TMEM45A: variants seen among roughly 807,000 people sequenced by gnomAD.
TMEM45A encodes the protein DNA polymerase-transactivated protein 4.
TMEM45A carries 25 observed loss-of-function variants against 32.0 expected under a neutral mutation model. The ratio of observed to expected loss-of-function variants is 0.78; its 90% CI spans 0.57 to 1.09. TMEM45A has a LOEUF of 1.09. Among genes scored for constraint, TMEM45A ranks in the 50% least tolerant of loss-of-function variants. TMEM45A has a pLI of 0.00. For missense variants in TMEM45A, 302 were observed against 325.0 expected (o/e 0.93, Z 0.54); for synonymous variants, 122 against 114.8 (o/e 1.06, Z -0.40).
At chr3:100,567,518 C>CAAAAAAAAAA (rs780009246) in intron 4 of TMEM45A, among the ~76,000 whole-genome samples, 10 of 63,498 alleles carry the variant, frequency 1.6e-4, no homozygotes, top group Non-Finnish European at 2.4e-4. Context: ...ACCATTTCTG[C>CAAAAAAAAAA]AAAAAAAAAA....
chr3:100,559,991 A>T (rs1013944349), intron 4 of TMEM45A, among the ~76,000 whole-genome samples: 4 of 152,204 alleles, frequency 2.6e-5, no homozygotes, highest in Non-Finnish European at 5.9e-5. Context: ...GGCCCAGAGC[A>T]GACGGTGATG....
At chr3:100,519,682 C>G in intron 1 of TMEM45A, 2 of 1,451,746 alleles carry the variant, frequency 1.4e-6, no homozygotes, top group South Asian at 1.2e-5. Flanking sequence ...TTCATAAAGA[C>G]CTAGTTTGAA....
chr3:100,551,203 C>G (rs972255424), intron 1 of TMEM45A, among the ~76,000 whole-genome samples: 1 of 151,884 alleles, frequency 6.6e-6, no homozygotes, highest in Non-Finnish European at 1.5e-5. Flanking sequence ...TTAGTGGAGA[C>G]GGGGTTTCGC....
In TMEM45A at chr3:100,556,804, TTA is replaced by T; in HGVS notation, c.239_240del (p.Tyr80Ter). Reference protein sequence around the residue: ...QFIPGGPHLMLYDYKQGHWNQ... With the variant: ...QFIPGGPHLMXYDYKQGHWNQ... ...TATTCCTGGAGGGCCCCATCTGATG[TTA>T]TATGACTATAAACAAGGTCACTGGA... On this transcript the variant is annotated frameshift_variant, in exon 3 of 6. Transcript: ENST00000323523. LOFTEE classifies it high-confidence loss of function. The T allele has an allele frequency of 6.2e-7, 1 of 1,614,100 alleles. No homozygotes were observed. Among genetic ancestry groups the T allele is most frequent in the Non-Finnish European group, 8.5e-7 (1 of 1,180,004 alleles).
intron 1 of TMEM45A, among the ~76,000 whole-genome samples, chr3:100,537,211 C>T (rs1705758083): frequency 6.6e-6 from 1 of 152,136 alleles, no homozygotes. Context: ...GCATGAGCCA[C>T]CATGCCTGGC....
At chr3:100,547,310 T>C (rs1243856493) in intron 1 of TMEM45A, among the ~76,000 whole-genome samples, 1 of 151,778 alleles carries the variant, frequency 6.6e-6, no homozygotes, top group Non-Finnish European at 1.5e-5. Flanking sequence ...TTAGTAGAGA[T>C]GGGGTTTCAA....
At chr3:100,542,020 T>C (rs1052096054) in intron 1 of TMEM45A, among the ~76,000 whole-genome samples, 5 of 152,216 alleles carry the variant, frequency 3.3e-5, no homozygotes, top group African/African-American at 1.2e-4. Context: ...TGTCTGTTTT[T>C]ATACTAGCAT....
chr3:100,533,446 A>G (rs997539685), intron 1 of TMEM45A, among the ~76,000 whole-genome samples: 4 of 152,108 alleles, frequency 2.6e-5, no homozygotes, highest in African/African-American at 9.7e-5. Context: ...TGCACAGCAC[A>G]GCACACCACA....
At chr3:100,510,932 A>G (rs1708150140) in intron 1 of TMEM45A, among the ~76,000 whole-genome samples, 1 of 152,316 alleles carries the variant, frequency 6.6e-6, no homozygotes, top group East Asian at 1.9e-4. Flanking sequence ...AAAAAAGAAT[A>G]AAAAGAAACG....
At position 100,519,386 on chromosome 3, in the gene TMEM45A, C is replaced by G. The variant is rs566801664; in HGVS notation, c.-4+26458C>G. ...CATACAGGTTGTGTGTGTGTGTGTG[C>G]ATGTGTGTGTGTGTGTGTGTGTGTA... On this transcript the variant is annotated intron_variant, in intron 1 of 5. Coordinates refer to ENST00000323523, the MANE Select transcript of TMEM45A (RefSeq NM_018004.3). The G allele has an allele frequency of 1.8e-5, 9 of 502,168 alleles. No homozygotes were observed. In the African/African-American group the frequency reaches 2.5e-4, roughly 14 times the overall value. 31.1% of individuals were successfully genotyped at this position (502,168 alleles called of 1,614,324 possible). A position where few individuals can be genotyped will look rare whatever the true frequency, so the allele number is the denominator to read the frequency against.
rs1706698658 is a variant in TMEM45A, at chr3:100,576,847, G to T, written c.735-78G>T. On this transcript the variant is annotated intron_variant, in intron 5 of 5. Coordinates refer to ENST00000323523, the MANE Select transcript of TMEM45A (RefSeq NM_018004.3). ...CAGTTGCCCAAATAATCTAGACTTT[G>T]TGGTATAATGGGTGCATATTGCTCT... is the stretch of plus-strand genomic sequence containing the variant. The T allele has an allele frequency of 3.8e-6, 4 of 1,058,440 alleles. No homozygotes were observed. In the Admixed American group the frequency reaches 8.4e-5, roughly 22 times the overall value. 65.6% of individuals were successfully genotyped at this position (1,058,440 alleles called of 1,614,324 possible).
intron 1 of TMEM45A, among the ~76,000 whole-genome samples, chr3:100,543,215 T>C (rs1410089005): frequency 6.6e-6 from 1 of 152,206 alleles, no homozygotes; most frequent in East Asian, 1.9e-4. Context: ...TATTCTGTTG[T>C]ATATATATTA....
chr3:100,558,580 G>A lies in TMEM45A; in HGVS notation c.579G>A (p.Trp193Ter), dbSNP rs1382601895. The A allele has an allele frequency of 1.9e-6, 3 of 1,613,680 alleles. No individual in the cohort carries two copies. The highest frequency in any genetic ancestry group is 1.1e-5 in the South Asian group (1 of 91,066). Residue 193 changes from tryptophan (W) to a stop codon, truncating the protein, a stop_gained, in exon 4 of 6, where the codon TGG becomes TGA. Transcript: ENST00000323523. LOFTEE classifies it high-confidence loss of function. ...GTCTCATTCTGCTTCAGGGGAGCTGGTTCTTTCAGGTGAGTTGGGGCCTCT... is the reference window on the plus strand; with the variant it reads ...GTCTCATTCTGCTTCAGGGGAGCTGATTCTTTCAGGTGAGTTGGGGCCTCT... ...RSSLILLQGS[W>*]FFQIGFVLYP...
At chr3:100,548,603 C>T (rs1189239062) in intron 1 of TMEM45A, among the ~76,000 whole-genome samples, 1 of 152,212 alleles carries the variant, frequency 6.6e-6, no homozygotes, top group Non-Finnish European at 1.5e-5. Context: ...TAGACAAAGT[C>T]CTCTCCCCGT....
At chr3:100,522,783 G>T (rs568568833) in intron 1 of TMEM45A, among the ~76,000 whole-genome samples, 1 of 152,300 alleles carries the variant, frequency 6.6e-6, no homozygotes, top group Non-Finnish European at 1.5e-5. Flanking sequence ...AAGGTTAGAA[G>T]TTCTGGCCCA....
intron 4 of TMEM45A, among the ~76,000 whole-genome samples, chr3:100,567,994 C>T (rs1706478671): frequency 6.6e-6 from 1 of 152,088 alleles, no homozygotes; most frequent in Non-Finnish European, 1.5e-5. Flanking sequence ...ACCGTGTTAG[C>T]CAGGATGGTC....
chr3:100,559,664 G>A (rs1025438565), intron 4 of TMEM45A, among the ~76,000 whole-genome samples: 69 of 151,894 alleles, frequency 4.5e-4, no homozygotes, highest in African/African-American at 1.6e-3. Context: ...CTATATACAC[G>A]TATTCCTATT....
intron 1 of TMEM45A, among the ~76,000 whole-genome samples, chr3:100,504,783 C>G (rs1708056973): frequency 6.6e-6 from 1 of 152,224 alleles, no homozygotes; most frequent in Admixed American, 6.5e-5. Flanking sequence ...GCTTCTATCA[C>G]TTTCTTTCCA....
intron 5 of TMEM45A, chr3:100,570,466 G>A (rs1410684854): frequency 6.6e-6 from 1 of 152,302 alleles, no homozygotes; most frequent in African/African-American, 2.4e-5. Flanking sequence ...CTTCCTTCTA[G>A]AGTTCTAGGT....
Sources: allele counts gnomAD v4.1 joint callset (sites outside exome capture counted in the v4.1 genomes callset), GRCh38; gene constraint gnomAD v4.1.1; transcripts MANE v1.5; gene names NCBI Gene and HGNC (gene_info 2026-07-23, HGNC 2026-07-21).